The following CHRM2 variants were observed in gnomAD, a reference collection of about 807,000 sequenced individuals.
CHRM2 encodes muscarinic acetylcholine receptor M2.
A neutral mutation model predicts 25.0 loss-of-function variants in CHRM2; 8 were observed. That is an observed-to-expected ratio of 0.32 (90% CI 0.19 to 0.58). CHRM2 has a LOEUF of 0.58. CHRM2 is among the 20% of genes least tolerant of loss of function. The probability of loss-of-function intolerance (pLI) is 0.88; values close to 1 mark genes in which losing one functional copy is unlikely to be tolerated. For missense variants in CHRM2, 440 were observed against 567.1 expected (o/e 0.78, Z 2.28); for synonymous variants, 202 against 205.7 (o/e 0.98, Z 0.15).
At chr7:136,924,004 C>T (rs1798594963) in intron 2 of CHRM2, among the ~76,000 whole-genome samples, 1 of 152,066 alleles carries the variant, frequency 6.6e-6, no homozygotes, top group African/African-American at 2.4e-5. Flanking sequence ...CAGAGTGAGA[C>T]TCTTCCTCTA....
intron 2 of CHRM2, chr7:136,870,416 T>G (rs1237171952): frequency 2.0e-5 from 3 of 152,582 alleles, no homozygotes; most frequent in Admixed American, 6.5e-5. Flanking sequence ...ACGGGGTAAG[T>G]AGAGACTCAT....
intron 2 of CHRM2, among the ~76,000 whole-genome samples, chr7:136,905,301 C>T (rs1330642966): frequency 6.6e-6 from 1 of 151,782 alleles, no homozygotes; most frequent in African/African-American, 2.4e-5. Flanking sequence ...TATACACACA[C>T]ATGCACACAA....
chr7:137,013,084 A>G (rs577582255), intron 3 of CHRM2, among the ~76,000 whole-genome samples: 123 of 152,030 alleles, frequency 8.1e-4, no homozygotes, highest in Admixed American at 1.2e-3. Context: ...TTCATCTTTC[A>G]TCTTTCCTTT....
At chr7:137,003,508 A>T (rs1388516685) in intron 3 of CHRM2, among the ~76,000 whole-genome samples, 6 of 149,858 alleles carry the variant, frequency 4.0e-5, no homozygotes, top group African/African-American at 9.8e-5. Context: ...ACACACACAC[A>T]CACACACACA....
intron 2 of CHRM2, among the ~76,000 whole-genome samples, chr7:136,917,502 G>A (rs984821806): frequency 3.3e-5 from 5 of 152,002 alleles, no homozygotes; most frequent in African/African-American, 9.6e-5. Context: ...AGAGATCAAC[G>A]GGCTATGTCT....
intron 2 of CHRM2, among the ~76,000 whole-genome samples, chr7:136,921,945 C>T (rs1375611384): frequency 6.6e-6 from 1 of 151,782 alleles, no homozygotes; most frequent in Non-Finnish European, 1.5e-5. Flanking sequence ...TTTTGTATTT[C>T]TAGTACAGAC....
intron 2 of CHRM2, among the ~76,000 whole-genome samples, chr7:136,928,816 C>A (rs796987570): frequency 6.6e-5 from 10 of 152,192 alleles, no homozygotes; most frequent in African/African-American, 2.4e-4. Flanking sequence ...TAGGTTGGTG[C>A]AAAACTAATT....
chr7:136,895,544 A>T (rs1372856832), intron 2 of CHRM2, among the ~76,000 whole-genome samples: 1 of 152,134 alleles, frequency 6.6e-6, no homozygotes, highest in African/African-American at 2.4e-5. Context: ...CTCAGTTTAT[A>T]TTTCTTAGCA....
intron 2 of CHRM2, among the ~76,000 whole-genome samples, chr7:136,878,499 C>T (rs1443252646): frequency 6.6e-6 from 1 of 151,736 alleles, no homozygotes; most frequent in African/African-American, 2.4e-5. Context: ...TTAAAATAAG[C>T]CTGACTGGAT....
At chr7:136,878,407 G>A (rs1390480654) in intron 2 of CHRM2, among the ~76,000 whole-genome samples, 1 of 151,910 alleles carries the variant, frequency 6.6e-6, no homozygotes, top group Non-Finnish European at 1.5e-5. Flanking sequence ...AGGAAGGGTA[G>A]ATGATATAGG....
intron 2 of CHRM2, among the ~76,000 whole-genome samples, chr7:136,978,984 T>A (rs1478966162): frequency 1.3e-5 from 2 of 152,174 alleles, no homozygotes; most frequent in African/African-American, 4.8e-5. Context: ...GACTGCTGGG[T>A]CAAATGGTAT....
At chr7:136,872,204 GA>G (rs1584676820) in intron 2 of CHRM2, among the ~76,000 whole-genome samples, 2 of 152,182 alleles carry the variant, frequency 1.3e-5, no homozygotes, top group East Asian at 3.9e-4. Context: ...TTTGTTTGTA[GA>G]AGGGTGCTTG....
At chr7:136,947,259 A>T (rs1800125757) in intron 2 of CHRM2, among the ~76,000 whole-genome samples, 1 of 152,180 alleles carries the variant, frequency 6.6e-6, no homozygotes, top group African/African-American at 2.4e-5. Flanking sequence ...AGAGAAAGGA[A>T]AAACATTAAA....
chr7:136,904,405 T>C (rs549050094), intron 2 of CHRM2, among the ~76,000 whole-genome samples: 1 of 152,060 alleles, frequency 6.6e-6, no homozygotes, highest in African/African-American at 2.4e-5. Context: ...CCATTATCTA[T>C]TTAAGAAAAA....
chr7:136,917,740 A>G (rs1244492926), intron 2 of CHRM2, among the ~76,000 whole-genome samples: 2 of 152,046 alleles, frequency 1.3e-5, no homozygotes, highest in Admixed American at 6.6e-5. Flanking sequence ...AGGATTTTTT[A>G]AAAATTTCCA....
intron 2 of CHRM2, chr7:136,903,008 C>T (rs1797315131): frequency 6.5e-6 from 3 of 459,184 alleles, no homozygotes; most frequent in Non-Finnish European, 1.3e-5. Flanking sequence ...GGAAAGTATA[C>T]ATTATGGCCA....
intron 2 of CHRM2, among the ~76,000 whole-genome samples, chr7:136,977,118 C>G (rs1563102539): frequency 2.6e-5 from 4 of 152,202 alleles, no homozygotes. Context: ...CCAAGAGAAG[C>G]TCTCCACATG....
chr7:136,993,092 A>C (rs324631), intron 3 of CHRM2, among the ~76,000 whole-genome samples: 137,442 of 152,224 alleles, frequency 0.9, 62,376 homozygotes, highest in Middle Eastern at 0.98. Flanking sequence ...TTAACTATCA[A>C]AGTCATACAG....
intron 2 of CHRM2, chr7:136,898,961 C>A (rs1797054530): frequency 6.6e-6 from 1 of 151,926 alleles, no homozygotes; most frequent in Admixed American, 6.6e-5. Context: ...ATATAGGAAG[C>A]AAATTTTAGG....
Sources: gnomAD v4.1 joint callset for allele counts (sites outside exome capture counted in the v4.1 genomes callset) on GRCh38, gnomAD v4.1.1 for gene constraint, MANE v1.5 for transcripts, NCBI Gene and HGNC (gene_info 2026-07-23, HGNC 2026-07-21) for gene names.